The following PCBP3 variants were observed in gnomAD, a reference collection of about 807,000 sequenced individuals.
The protein encoded by PCBP3 is poly(rC)-binding protein 3.
In PCBP3, 25 loss-of-function variants were observed where a neutral mutation model predicts 52.7. The observed-to-expected ratio is 0.47, with a 90% CI of 0.35 to 0.66. The LOEUF (loss-of-function observed/expected upper bound fraction) is 0.66. Ranked by LOEUF, PCBP3 falls within the 30% of genes least tolerant of loss-of-function variation. The pLI is 0.01. For missense variants in PCBP3, 391 were observed against 490.3 expected, an observed-to-expected ratio of 0.80 and a Z score of 1.91; for synonymous variants, 162 against 183.0, an observed-to-expected ratio of 0.89 and a Z score of 0.93.
At position 45,859,258 on chromosome 21, in the gene PCBP3, A is replaced by C. The variant is rs527868338; in HGVS notation, c.10+9163A>C. 2.8e-4 allele frequency among the ~76,000 whole-genome samples: 31 copies of C among 111,028 alleles called. No homozygotes were observed. In the South Asian group the frequency reaches 5.9e-3, roughly 21 times the overall value. The allele number at this position is 111,028 out of a possible 152,430, so 72.8% of individuals were successfully genotyped here. Reference sequence around the variant, plus strand: ...CCCGACCAGGAACAGCTGAGCCAGGAGGGGCCGTGCTGCAGAGGTGGCCAG... The same window carrying C: ...CCCGACCAGGAACAGCTGAGCCAGGCGGGGCCGTGCTGCAGAGGTGGCCAG... On this transcript the variant is annotated intron_variant, in intron 5 of 17. Transcript: ENST00000681687.
Position 45,837,292 on chromosome 21 carries a change from C to T in PCBP3, c.-125-12669C>T, listed in dbSNP as rs992498834. On this transcript the variant is annotated intron_variant, in intron 4 of 17. Coordinates refer to ENST00000681687, the MANE Select transcript of PCBP3 (RefSeq NM_001384156.1). This position sits in a 1 kb window ranked among gnomAD's most constrained non-coding sequence, Gnocchi z 4.1. The stretch of plus-strand genomic sequence containing the variant: ...TGTGCTGTGACTTTGATGCACCTCC[C>T]GCCAGGGAGGGGATCGTGACCCTCC... Among the ~76,000 whole-genome samples the T allele has an allele frequency of 3.3e-5, 5 of 152,236 alleles. No individual in the cohort carries two copies. The highest frequency in any genetic ancestry group is 1.2e-4 in the African/African-American group (5 of 41,474).
intron 1 of PCBP3, among the ~76,000 whole-genome samples, chr21:45,654,338 A>ATTTTT (rs398036499): frequency 1.2e-4 from 13 of 109,386 alleles, no homozygotes; most frequent in Admixed American, 3.2e-4. Context: ...TAGACATTGC[A>ATTTTT]TTTTTTTTTT....
chr21:45,657,240 A>G (rs2017131270), intron 1 of PCBP3, among the ~76,000 whole-genome samples: 1 of 152,116 alleles, frequency 6.6e-6, no homozygotes, highest in Admixed American at 6.6e-5. Context: ...GCTTAATCCT[A>G]GGTCACAAAG....
chr21:45,900,450 A>C lies in PCBP3; in HGVS notation c.190-141A>C, dbSNP rs2096001956. 9 of 661,958 alleles carry C rather than the reference A, an allele frequency of 1.4e-5. No homozygotes were observed. In the East Asian group the frequency reaches 2.4e-4, roughly 17 times the overall value. 41.0% of individuals were successfully genotyped at this position (661,958 alleles called of 1,614,324 possible). A position where few individuals can be genotyped will look rare whatever the true frequency, so the allele number is the denominator to read the frequency against. On this transcript the variant is annotated intron_variant, in intron 7 of 17. Transcript: ENST00000681687. ...ATGGAGCCTGGCCTTCTTAGTGGAGAGGCTGGTTTGCTCCTCCAGCACAGG... is the reference window on the plus strand; with the variant it reads ...ATGGAGCCTGGCCTTCTTAGTGGAGCGGCTGGTTTGCTCCTCCAGCACAGG...
At chr21:45,885,529 G>A (rs528043774) in intron 5 of PCBP3, among the ~76,000 whole-genome samples, 1 of 152,226 alleles carries the variant, frequency 6.6e-6, no homozygotes, top group South Asian at 2.1e-4. Context: ...ATGAATGTTA[G>A]GTCCTCCCCA....
At chr21:45,665,235 C>T (rs555019021) in intron 1 of PCBP3, among the ~76,000 whole-genome samples, 1 of 151,732 alleles carries the variant, frequency 6.6e-6, no homozygotes, top group Non-Finnish European at 1.5e-5. Flanking sequence ...GACCCCATAT[C>T]TACAAAAAAA....
chr21:45,866,876 C>T (rs894264903), intron 5 of PCBP3, among the ~76,000 whole-genome samples: 9 of 152,090 alleles, frequency 5.9e-5, no homozygotes, highest in African/African-American at 9.6e-5. Flanking sequence ...GGGCGGAGGT[C>T]GGGGACAGTC....
rs572693928 is a variant in PCBP3 at position 45,907,627 on chromosome 21, C to T, written c.340-1728C>T. ...CAGGTAACTCTGGGTCATGTGCAACCAAAAGAATTCTAAATTCTTCTGTTG... is the reference window on the plus strand; with the variant it reads ...CAGGTAACTCTGGGTCATGTGCAACTAAAAGAATTCTAAATTCTTCTGTTG... On this transcript the variant is annotated intron_variant, in intron 9 of 17. Transcript: ENST00000681687. Among the ~76,000 whole-genome samples the T allele has an allele frequency of 3.3e-5, 5 of 152,210 alleles. No homozygotes were observed. In the East Asian group the frequency reaches 9.6e-4, roughly 29 times the overall value.
chr21:45,898,864 C>T (rs1432041266), intron 6 of PCBP3, among the ~76,000 whole-genome samples: 1 of 145,028 alleles, frequency 6.9e-6, no homozygotes, highest in Non-Finnish European at 1.5e-5. Flanking sequence ...TCTCCACGGG[C>T]CCCTCTGCAC....
intron 1 of PCBP3, 92 bp downstream of exon 1, chr21:45,643,960 C>A (rs2079082161): frequency 6.7e-6 from 1 of 148,944 alleles, no homozygotes; most frequent in Non-Finnish European, 1.5e-5. Flanking sequence ...ACGGGGCGAC[C>A]CCGGGCCGCG....
intron 5 of PCBP3, among the ~76,000 whole-genome samples, chr21:45,891,026 G>A (rs1469990028): frequency 1.3e-5 from 2 of 151,792 alleles, no homozygotes; most frequent in African/African-American, 4.9e-5. Context: ...CATTGCTGAG[G>A]GGAATGTAGA....
chr21:45,671,072 C>T (rs2081141029), intron 2 of PCBP3, among the ~76,000 whole-genome samples: 1 of 152,194 alleles, frequency 6.6e-6, no homozygotes, highest in East Asian at 1.9e-4. Context: ...ATACTTTCCA[C>T]TGGCAAGATC....
At chr21:45,808,949 A>C (rs2092597580) in intron 4 of PCBP3, among the ~76,000 whole-genome samples, 1 of 152,214 alleles carries the variant, frequency 6.6e-6, no homozygotes, top group African/African-American at 2.4e-5. Context: ...ACAGAAAACC[A>C]AACACCACAT....
At chr21:45,665,789 A>C (rs977700939) in intron 1 of PCBP3, among the ~76,000 whole-genome samples, 1 of 152,168 alleles carries the variant, frequency 6.6e-6, no homozygotes. Flanking sequence ...TATTACCCCA[A>C]AACCAAAGCC....
Position 45,782,025 on chromosome 21 carries a change from G to A in PCBP3, c.-126+26573G>A, listed in dbSNP as rs116735940. Among the ~76,000 whole-genome samples the A allele has an allele frequency of 4.5e-3, 687 of 151,478 alleles. 3 individuals carry two copies. The highest frequency in any genetic ancestry group is 0.015 in the African/African-American group (640 of 41,358). On this transcript the variant is annotated intron_variant, in intron 4 of 17. Coordinates refer to ENST00000681687, the MANE Select transcript of PCBP3 (RefSeq NM_001384156.1). ...GTTATGTGTATCAGTAGTTCATTCA[G>A]TATTCCATTATATATCTCAAAGCTG... is the stretch of plus-strand genomic sequence containing the variant.
At chr21:45,809,555 T>G (rs2092618197) in intron 4 of PCBP3, among the ~76,000 whole-genome samples, 1 of 152,198 alleles carries the variant, frequency 6.6e-6, no homozygotes. Context: ...AGCACAATCG[T>G]GCTCGGCTCT....
At chr21:45,859,052 T>C (rs2094415574) in intron 5 of PCBP3, 1 of 152,310 alleles carries the variant, frequency 6.6e-6, no homozygotes, top group South Asian at 2.1e-4. Flanking sequence ...GTCTCGGGTA[T>C]GTCTGTATTA....
At chr21:45,814,767 GTGAGTGGTGAGTGA>G (rs1569258918) in intron 4 of PCBP3, among the ~76,000 whole-genome samples, 3 of 129,168 alleles carry the variant, frequency 2.3e-5, no homozygotes. Context: ...GTGGTGAGTG[GTGAGTGGTGAGTGA>G]TGAGTGGTGA....
chr21:45,856,871 G>T (rs1428096558), intron 5 of PCBP3, among the ~76,000 whole-genome samples: 1 of 152,196 alleles, frequency 6.6e-6, no homozygotes, highest in East Asian at 1.9e-4. Context: ...GGTCCAGAAA[G>T]GTGGGACAAC....
Sources: gnomAD v4.1 joint callset for allele counts (sites outside exome capture counted in the v4.1 genomes callset) on GRCh38, gnomAD v4.1.1 for gene constraint, Gnocchi (gnomAD v3.1) non-coding constraint, MANE v1.5 for transcripts, NCBI Gene and HGNC (gene_info 2026-07-23, HGNC 2026-07-21) for gene names.